Variants in BICC1 observed in about 807,000 individuals in gnomAD.
BICC1 encodes the protein protein bicaudal C homolog 1.
Under a neutral mutation model 111.0 loss-of-function variants are expected in BICC1, and 43 were observed. The ratio of observed to expected loss-of-function variants is 0.39; its 90% CI spans 0.30 to 0.50. The LOEUF (loss-of-function observed/expected upper bound fraction) is 0.50. Among genes scored for constraint, BICC1 ranks in the 20% least tolerant of loss-of-function variants. The pLI, the probability that BICC1 is intolerant of heterozygous loss-of-function variation, is 0.88. For synonymous variants in BICC1, 467 were observed against 434.4 expected (o/e 1.07, Z -0.93); for missense variants, 1,091 against 1,203.2 (o/e 0.91, Z 1.38).
At chr10:58,824,658 GGATT>G (rs1482893042) in intron 20 of BICC1, among the ~76,000 whole-genome samples, 6 of 152,026 alleles carry the variant, frequency 3.9e-5, no homozygotes, top group African/African-American at 1.5e-4. Flanking sequence ...ATTCAAAAGG[GGATT>G]GATTGTGTGT....
chr10:58,829,532 T>A lies in BICC1; in HGVS notation c.*641T>A, dbSNP rs995319035. 6.6e-6 allele frequency: 1 copy of A among 152,182 alleles called. No individual in the cohort carries two copies. The highest frequency in any genetic ancestry group is 1.5e-5 in the Non-Finnish European group (1 of 68,030). 9.4% of individuals were successfully genotyped at this position (152,182 alleles called of 1,614,324 possible). A position where few individuals can be genotyped will look rare whatever the true frequency, so the allele number is the denominator to read the frequency against. On this transcript the variant is annotated 3_prime_UTR_variant, in exon 21 of 21. Coordinates refer to ENST00000373886, the MANE Select transcript of BICC1 (RefSeq NM_001080512.3). Reference sequence around the variant, plus strand: ...TGAAATGGTACTGGATCTTAGTTTCTGTGCAGAATATTCTGTGATTTTGGG... The same window carrying A: ...TGAAATGGTACTGGATCTTAGTTTCAGTGCAGAATATTCTGTGATTTTGGG...
intron 2 of BICC1, among the ~76,000 whole-genome samples, chr10:58,637,874 A>C (rs1837998407): frequency 6.6e-6 from 1 of 152,146 alleles, no homozygotes; most frequent in Non-Finnish European, 1.5e-5. Context: ...CTAGTAACTA[A>C]GCACTGTGAT....
chr10:58,718,426 A>G (rs938664850), intron 3 of BICC1, among the ~76,000 whole-genome samples: 1 of 152,182 alleles, frequency 6.6e-6, no homozygotes, highest in African/African-American at 2.4e-5. Flanking sequence ...AGGTTTCAAC[A>G]TAGGAATTTT....
chr10:58,813,685 CT>C, intron 17 of BICC1, 144 bp from the exon 18 acceptor site: 1 of 806,826 alleles, frequency 1.2e-6, no homozygotes, highest in South Asian at 1.7e-5. Context: ...GTTCCACAGC[CT>C]TCCCGAGAGT....
At chr10:58,732,304 G>A (rs1450315902) in intron 3 of BICC1, among the ~76,000 whole-genome samples, 1 of 147,308 alleles carries the variant, frequency 6.8e-6, no homozygotes, top group Non-Finnish European at 1.5e-5. Flanking sequence ...AGAGAGGAAA[G>A]AGAGAGGAGA....
intron 2 of BICC1, among the ~76,000 whole-genome samples, chr10:58,624,519 A>C (rs564161514): frequency 5.9e-5 from 9 of 152,196 alleles, no homozygotes; most frequent in African/African-American, 2.2e-4. Context: ...AGTCATTTCT[A>C]AATTGTCTAC....
At chr10:58,550,017 A>G (rs552132102) in intron 1 of BICC1, among the ~76,000 whole-genome samples, 1 of 151,690 alleles carries the variant, frequency 6.6e-6, no homozygotes, top group African/African-American at 2.4e-5. Flanking sequence ...GTATATTTTA[A>G]TTATTTATTT....
At chr10:58,722,682 A>G (rs1181973688) in intron 3 of BICC1, among the ~76,000 whole-genome samples, 1 of 152,250 alleles carries the variant, frequency 6.6e-6, no homozygotes, top group Admixed American at 6.5e-5. Flanking sequence ...ATGATCAGAA[A>G]AGGAAGAAGT....
chr10:58,774,187 T>TGTCA (rs1291778665), intron 3 of BICC1, among the ~76,000 whole-genome samples: 2 of 152,178 alleles, frequency 1.3e-5, no homozygotes, highest in East Asian at 3.9e-4. Context: ...AGCCAAAGTA[T>TGTCA]GTCAGTAAAA....
chr10:58,802,261 T>A (rs1263061120), intron 14 of BICC1, among the ~76,000 whole-genome samples: 1 of 152,242 alleles, frequency 6.6e-6, no homozygotes, highest in Non-Finnish European at 1.5e-5. Flanking sequence ...GTAGCCTCTG[T>A]CAACTTTTGT....
At chr10:58,635,190 T>C (rs1292494056) in intron 2 of BICC1, among the ~76,000 whole-genome samples, 1 of 152,222 alleles carries the variant, frequency 6.6e-6, no homozygotes, top group African/African-American at 2.4e-5. Flanking sequence ...TCTTAATAAA[T>C]ATATGAAAAA....
intron 16 of BICC1, 107 bp downstream of exon 16, chr10:58,806,730 C>G (rs1843720916): frequency 2.8e-6 from 3 of 1,060,714 alleles, no homozygotes; most frequent in Non-Finnish European, 4.2e-6. Context: ...GAAAAAGAAA[C>G]CTAGAATATT....
At chr10:58,768,282 T>A (rs1367413430) in intron 3 of BICC1, among the ~76,000 whole-genome samples, 1 of 152,092 alleles carries the variant, frequency 6.6e-6, no homozygotes. Flanking sequence ...ATCCCACGGG[T>A]CACGAAGGAG....
intron 3 of BICC1, among the ~76,000 whole-genome samples, chr10:58,746,991 G>A (rs948012159): frequency 6.6e-6 from 1 of 152,030 alleles, no homozygotes; most frequent in Admixed American, 6.6e-5. Context: ...ATTTCCAAAG[G>A]ACATTCTCCC....
At chr10:58,791,093 A>G (rs1379275292) in intron 8 of BICC1, among the ~76,000 whole-genome samples, 10 of 152,182 alleles carry the variant, frequency 6.6e-5, no homozygotes, top group Non-Finnish European at 4.4e-5. Context: ...AATCAGTAAG[A>G]TTGTAATCCA....
chr10:58,706,005 G>A (rs1230400707), intron 3 of BICC1, among the ~76,000 whole-genome samples: 1 of 152,140 alleles, frequency 6.6e-6, no homozygotes, highest in Non-Finnish European at 1.5e-5. Flanking sequence ...GAACAACAAA[G>A]CAATATTTGA....
At chr10:58,788,503 T>C (rs1843078276) in intron 6 of BICC1, 80 bp downstream of exon 6, 2 of 1,020,420 alleles carry the variant, frequency 2.0e-6, no homozygotes, top group African/African-American at 1.6e-5. Flanking sequence ...TAATAATTTA[T>C]CATTTTATAA....
chr10:58,608,676 C>T (rs1845314203), intron 1 of BICC1, among the ~76,000 whole-genome samples: 1 of 151,914 alleles, frequency 6.6e-6, no homozygotes, highest in African/African-American at 2.4e-5. Context: ...TAAATGCTTA[C>T]AGGGTGCTGC....
chr10:58,536,784 C>G (rs1304835895), intron 1 of BICC1, among the ~76,000 whole-genome samples: 1 of 151,566 alleles, frequency 6.6e-6, no homozygotes, highest in Admixed American at 6.6e-5. Context: ...GAAAGATAAA[C>G]AAAACTGATA....
Sources: allele counts gnomAD v4.1 joint callset (sites outside exome capture counted in the v4.1 genomes callset), GRCh38; gene constraint gnomAD v4.1.1; transcripts MANE v1.5; gene names NCBI Gene and HGNC (gene_info 2026-07-23, HGNC 2026-07-21).